The following KCNK10 variants were observed in gnomAD, a reference collection of about 807,000 sequenced individuals.
The protein encoded by KCNK10 is potassium channel subfamily K member 10.
KCNK10 carries 25 observed loss-of-function variants against 47.7 expected under a neutral mutation model. The ratio of observed to expected loss-of-function variants is 0.52; its 90% CI spans 0.38 to 0.73. KCNK10 has a LOEUF of 0.73. Ranked by LOEUF, KCNK10 falls within the 30% of genes least tolerant of loss-of-function variation. The pLI is 0.00. For missense variants in KCNK10, 563 were observed against 714.5 expected (o/e 0.79, Z 2.42); for synonymous variants, 303 against 285.6 (o/e 1.06, Z -0.61).
At chr14:88,273,480 C>G (rs1247408796) in intron 1 of KCNK10, among the ~76,000 whole-genome samples, 2 of 152,176 alleles carry the variant, frequency 1.3e-5, no homozygotes, top group Admixed American at 1.3e-4. Flanking sequence ...TTGGTTGCTC[C>G]TGGTAGCAGG....
chr14:88,234,038 A>G (rs1427900914), intron 3 of KCNK10, among the ~76,000 whole-genome samples: 1 of 152,214 alleles, frequency 6.6e-6, no homozygotes, highest in Non-Finnish European at 1.5e-5. Flanking sequence ...ACTTTTTCCC[A>G]GGTTAACAAT....
At chr14:88,235,589 C>T (rs1174755975) in intron 3 of KCNK10, among the ~76,000 whole-genome samples, 1 of 151,714 alleles carries the variant, frequency 6.6e-6, no homozygotes, top group Non-Finnish European at 1.5e-5. Context: ...ATCACAAAAA[C>T]AAAAAATAAA....
In KCNK10 at chr14:88,192,220, T is replaced by C; in HGVS notation, c.868+4A>G. On this transcript the variant is annotated splice_donor_region_variant and intron_variant, in intron 5 of 6. Coordinates refer to ENST00000319231, the MANE Select transcript of KCNK10 (RefSeq NM_138317.3). The stretch of plus-strand genomic sequence containing the variant: ...CCAGTGCCTGGCCTGCCCAGGGTGC[T>C]TACCTGCCACAAAATCACCAAAGCC... 3 of 1,611,748 alleles carry C rather than the reference T, an allele frequency of 1.9e-6. No homozygotes were observed. The highest frequency in any genetic ancestry group is 2.5e-6 in the Non-Finnish European group (3 of 1,178,716).
At chr14:88,217,343 C>A (rs1885655032) in intron 4 of KCNK10, among the ~76,000 whole-genome samples, 1 of 152,110 alleles carries the variant, frequency 6.6e-6, no homozygotes, top group Non-Finnish European at 1.5e-5. Context: ...GAAAGGCAGC[C>A]ATTTCTTAAA....
intron 3 of KCNK10, chr14:88,235,213 G>T (rs772683066): frequency 2.2e-6 from 1 of 456,630 alleles, no homozygotes; most frequent in South Asian, 1.5e-5. Flanking sequence ...GACTCACCCT[G>T]CTCTCCTCTC....
intron 2 of KCNK10, among the ~76,000 whole-genome samples, chr14:88,242,639 C>T (rs570901388): frequency 2.6e-5 from 4 of 152,320 alleles, no homozygotes; most frequent in Non-Finnish European, 5.9e-5. Context: ...TACAGACTGT[C>T]TTTGCATAAA....
intron 1 of KCNK10, among the ~76,000 whole-genome samples, chr14:88,281,748 A>C (rs1157464231): frequency 6.6e-6 from 1 of 150,712 alleles, no homozygotes; most frequent in African/African-American, 2.4e-5. Flanking sequence ...ATATATATAT[A>C]TATACACATA....
At chr14:88,227,070 T>C (rs1886009328) in intron 4 of KCNK10, among the ~76,000 whole-genome samples, 1 of 152,222 alleles carries the variant, frequency 6.6e-6, no homozygotes, top group Non-Finnish European at 1.5e-5. Flanking sequence ...AGGAACCCCA[T>C]CTTCCATCTT....
At position 88,185,333 on chromosome 14, in the gene KCNK10, G is replaced by T. The variant is rs1186164303; in HGVS notation, c.*202C>A. The T allele has an allele frequency of 1.4e-6, 1 of 728,472 alleles. No individual in the cohort carries two copies. The highest frequency in any genetic ancestry group is 2.2e-6 in the Non-Finnish European group (1 of 464,090). 45.1% of individuals were successfully genotyped at this position (728,472 alleles called of 1,614,324 possible). On this transcript the variant is annotated 3_prime_UTR_variant, in exon 7 of 7. Transcript: ENST00000319231. This position sits in a 1 kb window ranked among gnomAD's most constrained non-coding sequence, Gnocchi z 4.3. ...GACACTCTTGGTGTGTCCTGCGTTT[G>T]CTATCTGAAATGAAGTTCTTGTTCT...
chr14:88,211,153 C>T (rs1305186659), intron 4 of KCNK10, among the ~76,000 whole-genome samples: 1 of 152,174 alleles, frequency 6.6e-6, no homozygotes, highest in Non-Finnish European at 1.5e-5. Flanking sequence ...TATATACAGA[C>T]AGGGGGATAT....
chr14:88,326,688 G>A, upstream of KCNK10: 1 of 562,474 alleles, frequency 1.8e-6, no homozygotes, highest in Middle Eastern at 4.8e-4. Flanking sequence ...GCTGCTACCG[G>A]GCACGGGTCT....
chr14:88,217,092 G>A (rs1236577909), intron 4 of KCNK10, among the ~76,000 whole-genome samples: 1 of 152,208 alleles, frequency 6.6e-6, no homozygotes, highest in Non-Finnish European at 1.5e-5. Context: ...AAGAGGCGGA[G>A]GTTGCAGTGA....
At chr14:88,294,492 G>A (rs921247291) in intron 1 of KCNK10, among the ~76,000 whole-genome samples, 1 of 152,204 alleles carries the variant, frequency 6.6e-6, no homozygotes, top group African/African-American at 2.4e-5. Context: ...GTTCAGTTTT[G>A]AAAATCAACA....
chr14:88,212,814 C>T (rs1000874609), intron 4 of KCNK10, among the ~76,000 whole-genome samples: 3 of 152,178 alleles, frequency 2.0e-5, no homozygotes, highest in Non-Finnish European at 4.4e-5. Context: ...CATTCTCCCC[C>T]AGAAATACAA....
intron 2 of KCNK10, among the ~76,000 whole-genome samples, chr14:88,252,569 T>C (rs1886831564): frequency 1.3e-5 from 2 of 152,176 alleles, no homozygotes; most frequent in African/African-American, 4.8e-5. Flanking sequence ...TCATAATATC[T>C]AGTCCTCTCA....
intron 4 of KCNK10, among the ~76,000 whole-genome samples, chr14:88,216,299 G>A (rs1280961891): frequency 6.6e-6 from 1 of 152,156 alleles, no homozygotes; most frequent in Non-Finnish European, 1.5e-5. Flanking sequence ...AGGGGACCAG[G>A]GCATGCACCT....
intron 2 of KCNK10, among the ~76,000 whole-genome samples, chr14:88,258,934 C>T (rs1454334445): frequency 6.6e-6 from 1 of 152,164 alleles, no homozygotes; most frequent in Non-Finnish European, 1.5e-5. Flanking sequence ...ATATGAAGCA[C>T]ACATTCCAGC....
intron 1 of KCNK10, among the ~76,000 whole-genome samples, chr14:88,270,234 G>C (rs971843485): frequency 6.6e-6 from 1 of 152,174 alleles, no homozygotes; most frequent in Non-Finnish European, 1.5e-5. Flanking sequence ...TCAGGCCGCT[G>C]GGGAGGGAGG....
Position 88,182,735 on chromosome 14 carries a change from T to C in KCNK10, c.*2800A>G, listed in dbSNP as rs924461218. Reference sequence around the variant, plus strand: ...TTTGACTCATTTGGGGAAGCATCTATGCACATACCAACACATGCACCTGTT... The same window carrying C: ...TTTGACTCATTTGGGGAAGCATCTACGCACATACCAACACATGCACCTGTT... On this transcript the variant is annotated 3_prime_UTR_variant, in exon 7 of 7. Coordinates refer to ENST00000319231, the MANE Select transcript of KCNK10 (RefSeq NM_138317.3). 12 of 152,506 alleles carry C rather than the reference T, an allele frequency of 7.9e-5. No individual in the cohort carries two copies. Among genetic ancestry groups the C allele is most frequent in the South Asian group, 2.1e-4 (1 of 4,828 alleles). 9.4% of individuals were successfully genotyped at this position (152,506 alleles called of 1,614,324 possible). A position where few individuals can be genotyped will look rare whatever the true frequency, so the allele number is the denominator to read the frequency against.
Sources: gnomAD v4.1 joint callset for allele counts (sites outside exome capture counted in the v4.1 genomes callset) on GRCh38, gnomAD v4.1.1 for gene constraint, Gnocchi (gnomAD v3.1) non-coding constraint, MANE v1.5 for transcripts, NCBI Gene and HGNC (gene_info 2026-07-23, HGNC 2026-07-21) for gene names.